The following TJP2 variants were observed in gnomAD, a reference collection of about 807,000 sequenced individuals.
TJP2 encodes the protein Friedreich ataxia region gene X104 (tight junction protein ZO-2).
A neutral mutation model predicts 133.1 loss-of-function variants in TJP2; 91 were observed. The ratio of observed to expected loss-of-function variants is 0.68; its 90% CI spans 0.58 to 0.81. The LOEUF (loss-of-function observed/expected upper bound fraction) is 0.81. Ranked by LOEUF, TJP2 falls within the 40% of genes least tolerant of loss-of-function variation. The probability of loss-of-function intolerance (pLI) is 0.00; values close to 1 mark genes in which losing one functional copy is unlikely to be tolerated. For synonymous variants in TJP2, 592 were observed against 583.4 expected, an observed-to-expected ratio of 1.01 and a Z score of -0.21; for missense variants, 1,541 against 1,565.6, an observed-to-expected ratio of 0.98 and a Z score of 0.26.
chr9:69,137,857 C>T (rs1266466471), intron 1 of TJP2, among the ~76,000 whole-genome samples: 4 of 152,278 alleles, frequency 2.6e-5, no homozygotes, highest in South Asian at 2.1e-4. Flanking sequence ...ATTTCTTTCT[C>T]GTGACAATGT....
At chr9:69,229,423 C>G (rs892230890) in intron 10 of TJP2, among the ~76,000 whole-genome samples, 173 bp downstream of exon 10, 25 of 152,162 alleles carry the variant, frequency 1.6e-4, no homozygotes, top group Admixed American at 1.2e-3. Context: ...TTTGTGGGAA[C>G]AGCAAAATGC....
intron 1 of TJP2, among the ~76,000 whole-genome samples, chr9:69,175,063 GGTA>G (rs2132942637): frequency 1.3e-5 from 2 of 152,170 alleles, no homozygotes; most frequent in South Asian, 4.2e-4. Flanking sequence ...GCTTTTACAC[GGTA>G]GTTTAAGTTA....
intron 1 of TJP2, among the ~76,000 whole-genome samples, chr9:69,179,577 C>G (rs1249306282): frequency 1.3e-5 from 2 of 149,770 alleles, no homozygotes; most frequent in Non-Finnish European, 3.0e-5. Flanking sequence ...GGTGCGATCT[C>G]GGCTCACTGC....
chr9:69,251,042 C>G lies in TJP2; in HGVS notation c.2999C>G (p.Thr1000Ser). The G allele has an allele frequency of 6.2e-7, 1 of 1,614,116 alleles. No homozygotes were observed. Among genetic ancestry groups the G allele is most frequent in the South Asian group, 1.1e-5 (1 of 91,074 alleles). Residue 1000 changes from threonine to serine, a missense_variant, in exon 21 of 23, where the codon ACC becomes AGC. Transcript: ENST00000377245. ...TGTCATTGCTCTCCGCAGGCCAAAA[C>G]CCAGAACAAAGAAGAATCCTATGAC... ...AFKPEPPKAKTQNKEESYDFS... is the reference protein window; with the variant it reads ...AFKPEPPKAKSQNKEESYDFS...
intron 2 of TJP2, among the ~76,000 whole-genome samples, chr9:69,167,977 G>A (rs756338240): frequency 6.6e-6 from 1 of 152,056 alleles, no homozygotes; most frequent in East Asian, 1.9e-4. Context: ...GGCAAAAACC[G>A]CAATTACTGT....
intron 18 of TJP2, 33 bp downstream of exon 18, chr9:69,246,823 G>C (rs1830962075): frequency 1.3e-6 from 2 of 1,586,052 alleles, no homozygotes; most frequent in African/African-American, 2.7e-5. Context: ...TATGAGGTGA[G>C]AGTCCCTGTT....
chr9:69,225,011 T>G (rs1035308057), intron 5 of TJP2, among the ~76,000 whole-genome samples: 6 of 152,184 alleles, frequency 3.9e-5, no homozygotes, highest in Admixed American at 3.9e-4. Context: ...CATTTTCAGA[T>G]TGCTCCAAAT....
At chr9:69,253,874 G>C (rs1831516252) in intron 22 of TJP2, 1 of 379,738 alleles carries the variant, frequency 2.6e-6, no homozygotes, top group African/African-American at 2.1e-5. Flanking sequence ...AAGAGTTCTT[G>C]GTTATGATGG....
At chr9:69,185,844 T>C (rs112413212) in intron 1 of TJP2, among the ~76,000 whole-genome samples, 2,978 of 151,684 alleles carry the variant, frequency 0.02, 48 homozygotes, top group Non-Finnish European at 0.031. Flanking sequence ...TGTCCTATTA[T>C]AAGTTTATTT....
rs11789323 is a variant in TJP2, at chr9:69,247,763, G to A, written c.2668-249G>A. On this transcript the variant is annotated intron_variant, in intron 18 of 22. Coordinates refer to ENST00000377245, the MANE Select transcript of TJP2 (RefSeq NM_004817.4). ...CAGACTGAGAAAGTGTGGCTTAGCC[G>A]CGGTATGGAGGATGGATGGTAGCAC... Among the ~76,000 whole-genome samples the A allele has an allele frequency of 0.013, 2,013 of 152,290 alleles. 22 individuals carry two copies. The highest frequency in any genetic ancestry group is 0.031 in the Middle Eastern group (9 of 294).
chr9:69,234,413 C>CT, intron 11 of TJP2, 26 bp from the exon 12 acceptor site: 1 of 636,494 alleles, frequency 1.6e-6, no homozygotes, highest in Non-Finnish European at 2.3e-6. Context: ...TTTTTTTTTT[C>CT]TTTTTCTGTT....
rs188613292 is a variant in TJP2 at position 69,193,230 on chromosome 9, T to G, written c.60+18798T>G. 9.9e-5 allele frequency among the ~76,000 whole-genome samples: 15 copies of G among 152,256 alleles called. No individual in the cohort carries two copies. In the East Asian group the frequency reaches 2.9e-3, roughly 29 times the overall value. On this transcript the variant is annotated intron_variant, in intron 1 of 22. Coordinates refer to ENST00000377245, the MANE Select transcript of TJP2 (RefSeq NM_004817.4). Reference sequence around the variant, plus strand: ...CGTGCCTGGCTTTTATTGTAATTTTTAAAGTCTATTTCTAATTTCATCTAA... The same window carrying G: ...CGTGCCTGGCTTTTATTGTAATTTTGAAAGTCTATTTCTAATTTCATCTAA...
intron 2 of TJP2, among the ~76,000 whole-genome samples, chr9:69,159,616 C>T (rs540874087): frequency 5.3e-5 from 8 of 152,018 alleles, no homozygotes; most frequent in Admixed American, 6.6e-5. Context: ...CAGTGGCTCA[C>T]GCCTGTAATC....
chr9:69,209,739 A>G (rs7350225), intron 1 of TJP2, among the ~76,000 whole-genome samples: 56,160 of 149,386 alleles, frequency 0.38, 10,839 homozygotes, highest in South Asian at 0.43. Context: ...GGGCTGGAGC[A>G]AAACTCCATC....
upstream of TJP2, among the ~76,000 whole-genome samples, chr9:69,170,970 AC>A (rs1824647143): frequency 7.1e-6 from 1 of 140,384 alleles, no homozygotes; most frequent in Admixed American, 6.9e-5. Flanking sequence ...CTCCTCAAAT[AC>A]TCATCAGTGC....
chr9:69,122,837 A>C (rs1237757161), intron 1 of TJP2, among the ~76,000 whole-genome samples: 1 of 152,182 alleles, frequency 6.6e-6, no homozygotes, highest in African/African-American at 2.4e-5. Flanking sequence ...GCATTTCCAC[A>C]AACGTGGTCG....
intron 15 of TJP2, among the ~76,000 whole-genome samples, 167 bp downstream of exon 15, chr9:69,238,140 A>G (rs1300763057): frequency 6.6e-6 from 1 of 152,168 alleles, no homozygotes; most frequent in African/African-American, 2.4e-5. Flanking sequence ...ATAGACACAC[A>G]TACACACACA....
chr9:69,152,992 G>GGT (rs1266050917), intron 2 of TJP2, among the ~76,000 whole-genome samples: 1 of 151,772 alleles, frequency 6.6e-6, no homozygotes, highest in Non-Finnish European at 1.5e-5. Context: ...GGGAAGTAGA[G>GGT]GTGGGAGGAT....
chr9:69,206,501 C>T (rs1041241943), intron 1 of TJP2, among the ~76,000 whole-genome samples: 2 of 152,164 alleles, frequency 1.3e-5, no homozygotes, highest in African/African-American at 2.4e-5. Context: ...GTATTAGATC[C>T]TTCACCAGGA....
Sources: allele counts gnomAD v4.1 joint callset (sites outside exome capture counted in the v4.1 genomes callset), GRCh38; gene constraint gnomAD v4.1.1; transcripts MANE v1.5; gene names NCBI Gene and HGNC (gene_info 2026-07-23, HGNC 2026-07-21).